The following EDN3 variants were observed in gnomAD, a reference collection of about 807,000 sequenced individuals.
EDN3 encodes endothelin-3.
Under a neutral mutation model 21.4 loss-of-function variants are expected in EDN3, and 9 were observed. That is an observed-to-expected ratio of 0.42 (90% CI 0.25 to 0.73). The LOEUF (loss-of-function observed/expected upper bound fraction) is 0.73. Among genes scored for constraint, EDN3 ranks in the 30% least tolerant of loss-of-function variants. The pLI is 0.26. For missense variants in EDN3, 327 were observed against 309.4 expected (o/e 1.06, Z -0.43); for synonymous variants, 133 against 126.2 (o/e 1.05, Z -0.36).
intron 2 of EDN3, among the ~76,000 whole-genome samples, chr20:59,303,851 A>T (rs971501899): frequency 6.6e-6 from 1 of 152,138 alleles, no homozygotes; most frequent in African/African-American, 2.4e-5. Context: ...TTCCTTCCCG[A>T]CACTGGTTCA....
chr20:59,313,922 A>G (rs1045303686), intron 2 of EDN3, among the ~76,000 whole-genome samples: 5 of 152,210 alleles, frequency 3.3e-5, no homozygotes, highest in African/African-American at 4.8e-5. Flanking sequence ...TGTCTGGCAT[A>G]AGGCCTGGCC....
intron 2 of EDN3, among the ~76,000 whole-genome samples, chr20:59,319,752 GAAAA>G (rs1173601140): frequency 6.7e-5 from 10 of 149,396 alleles, no homozygotes; most frequent in Middle Eastern, 3.5e-3. Flanking sequence ...AGAAAAAAAA[GAAAA>G]AAAGAAAAGA....
At position 59,305,801 on chromosome 20, in the gene EDN3, GCC is replaced by G. The variant is rs1033449685; in HGVS notation, c.365+4081_365+4082del. On this transcript the variant is annotated intron_variant, in intron 2 of 4. Coordinates refer to ENST00000337938, the MANE Select transcript of EDN3 (RefSeq NM_207034.3). This position sits in a 1 kb window ranked among gnomAD's most constrained non-coding sequence, Gnocchi z 4.2. Reference sequence around the variant, plus strand: ...GAAGGCCCTCAACAGATTGGATGAGGCCCACTACATTTTGGAGGGTCAGCTGC... The same window carrying G: ...GAAGGCCCTCAACAGATTGGATGAGGCACTACATTTTGGAGGGTCAGCTGC... Among the ~76,000 whole-genome samples, 64 of 152,252 alleles carry G rather than the reference GCC, an allele frequency of 4.2e-4. No individual in the cohort carries two copies. The highest frequency in any genetic ancestry group is 1.4e-3 in the African/African-American group (59 of 41,556).
chr20:59,302,930 G>A (rs1018811341), intron 2 of EDN3, among the ~76,000 whole-genome samples: 2 of 152,156 alleles, frequency 1.3e-5, no homozygotes, highest in African/African-American at 4.8e-5. Flanking sequence ...GTGCAGACGA[G>A]GGTAGTAAAC....
rs200659956 is a variant in EDN3, at chr20:59,322,465, C to T, written c.588+48C>T. ...TGTGTCAAAGGAGGTGAAGATGTGA[C>T]GTGTCATTCCTTCGGGGGTGGGTGG... On this transcript the variant is annotated intron_variant, in intron 4 of 4. Transcript: ENST00000337938. This position sits in a 1 kb window ranked among gnomAD's most constrained non-coding sequence, Gnocchi z 4.1. 1.3e-3 allele frequency: 2,018 copies of T among 1,592,006 alleles called. 1 individual carries two copies. Among genetic ancestry groups the T allele is most frequent in the Non-Finnish European group, 1.6e-3 (1,898 of 1,159,884 alleles).
chr20:59,301,027 G>A (rs1262604760), intron 1 of EDN3, among the ~76,000 whole-genome samples, 163 bp downstream of exon 1: 1 of 152,236 alleles, frequency 6.6e-6, no homozygotes, highest in Non-Finnish European at 1.5e-5. Flanking sequence ...AGCAGAAGCG[G>A]CGCGCAACGA....
chr20:59,303,435 T>C (rs1989183798), intron 2 of EDN3, among the ~76,000 whole-genome samples: 1 of 152,188 alleles, frequency 6.6e-6, no homozygotes, highest in Non-Finnish European at 1.5e-5. Context: ...ATTCACTTCA[T>C]AGAATGGAGG....
At chr20:59,324,200 A>T in intron 4 of EDN3, 131 bp from the exon 5 acceptor site, 1 of 1,150,326 alleles carries the variant, frequency 8.7e-7, no homozygotes, top group Non-Finnish European at 1.3e-6. Flanking sequence ...GGGTACATAC[A>T]GTTCCAATCA....
chr20:59,319,666 C>G (rs1990398787), intron 2 of EDN3, among the ~76,000 whole-genome samples: 1 of 142,678 alleles, frequency 7.0e-6, no homozygotes, highest in East Asian at 2.0e-4. Flanking sequence ...GCAGAGGTTG[C>G]AGTGAGCCGA....
intron 3 of EDN3, 91 bp downstream of exon 3, chr20:59,321,284 A>G: frequency 6.9e-7 from 1 of 1,441,058 alleles, no homozygotes; most frequent in Non-Finnish European, 9.7e-7. Context: ...AGGGTGTAGG[A>G]TAGTTCAGTC....
intron 2 of EDN3, among the ~76,000 whole-genome samples, chr20:59,306,627 CA>C (rs1194590960): frequency 1.9e-5 from 2 of 108,016 alleles, no homozygotes; most frequent in African/African-American, 3.7e-5. Context: ...AAAGCATTAA[CA>C]AAACATTTAA....
intron 2 of EDN3, among the ~76,000 whole-genome samples, chr20:59,319,101 G>T (rs1990366362): frequency 6.6e-6 from 1 of 152,184 alleles, no homozygotes; most frequent in Non-Finnish European, 1.5e-5. Context: ...TACAGGGCTG[G>T]ATCCTGCCCT....
intron 4 of EDN3, among the ~76,000 whole-genome samples, chr20:59,323,012 A>G (rs552815753): frequency 6.6e-6 from 1 of 152,046 alleles, no homozygotes; most frequent in East Asian, 1.9e-4. Context: ...TTGTCATTCT[A>G]TCAATCAGAA....
At chr20:59,301,809 C>G in intron 2 of EDN3, 87 bp downstream of exon 2, 2 of 1,461,346 alleles carry the variant, frequency 1.4e-6, no homozygotes, top group Non-Finnish European at 1.9e-6. Context: ...TCCACCCCAG[C>G]CCCGCTCAGT....
chr20:59,319,908 T>C (rs2146875334), intron 2 of EDN3, among the ~76,000 whole-genome samples: 1 of 152,270 alleles, frequency 6.6e-6, no homozygotes, highest in South Asian at 2.1e-4. Context: ...AAAAGTGGCT[T>C]TGGCCACATG....
chr20:59,323,303 G>T (rs914228501), intron 4 of EDN3, among the ~76,000 whole-genome samples: 1 of 152,122 alleles, frequency 6.6e-6, no homozygotes, highest in Non-Finnish European at 1.5e-5. Flanking sequence ...GTCCCACTTT[G>T]CCTCTTCATT....
chr20:59,310,792 C>T (rs1464580880), intron 2 of EDN3, among the ~76,000 whole-genome samples: 3 of 145,718 alleles, frequency 2.1e-5, no homozygotes, highest in Non-Finnish European at 3.0e-5. Flanking sequence ...ATGACTGGCC[C>T]GCTGGTGGAC....
At chr20:59,308,079 C>T (rs1989549987) in intron 2 of EDN3, among the ~76,000 whole-genome samples, 1 of 152,090 alleles carries the variant, frequency 6.6e-6, no homozygotes, top group South Asian at 2.1e-4. Flanking sequence ...TGCATAGAAG[C>T]ATGTGATTTT....
At position 59,321,027 on chromosome 20, in the gene EDN3, C is replaced by A; in HGVS notation, c.376C>A (p.Pro126Thr). The A allele has an allele frequency of 6.2e-7, 1 of 1,614,196 alleles. No individual in the cohort carries two copies. Among genetic ancestry groups the A allele is most frequent in the Non-Finnish European group, 8.5e-7 (1 of 1,180,044 alleles). ...IWINTPEQTVPYGLSNYRGSF... is the reference protein window; with the variant it reads ...IWINTPEQTVTYGLSNYRGSF... ...CCCTGTGCTTTGCAGACAGACGGTG[C>A]CCTATGGACTGTCCAACTACAGAGG... The change falls in exon 3 of 5, where the codon CCC becomes ACC. Residue 126 changes from proline (P) to threonine (T), a missense_variant. By Grantham distance (38) the Pro-to-Thr change is conservative. Transcript: ENST00000337938.
Sources: gnomAD v4.1 joint callset for allele counts (sites outside exome capture counted in the v4.1 genomes callset) on GRCh38, gnomAD v4.1.1 for gene constraint, Gnocchi (gnomAD v3.1) non-coding constraint, MANE v1.5 for transcripts, NCBI Gene and HGNC (gene_info 2026-07-23, HGNC 2026-07-21) for gene names.